Variants in REDIC1 observed in about 807,000 individuals in gnomAD.
REDIC1 encodes HEI10 Interacting Protein 1.
chr12:39,678,854 A>T, the REDIC1 span, among the ~76,000 whole-genome samples: 3 of 152,172 alleles, frequency 2.0e-5, no homozygotes, highest in Non-Finnish European at 2.9e-5. Flanking sequence ...GAATTATATG[A>T]TCATTTCAAT....
chr12:39,751,357 C>T, the REDIC1 span, among the ~76,000 whole-genome samples: 1 of 152,226 alleles, frequency 6.6e-6, no homozygotes, highest in African/African-American at 2.4e-5. Context: ...GAGATACCAT[C>T]TCACACACCA....
the REDIC1 span, among the ~76,000 whole-genome samples, chr12:39,705,453 C>G: frequency 1.3e-5 from 2 of 152,052 alleles, no homozygotes; most frequent in African/African-American, 4.8e-5. Flanking sequence ...TACTTCCAAA[C>G]CCATTCTACA....
At chr12:39,627,147 A>G in the REDIC1 span, among the ~76,000 whole-genome samples, 2 of 152,332 alleles carry the variant, frequency 1.3e-5, no homozygotes, top group South Asian at 4.1e-4. Context: ...ATGCGTTTGA[A>G]TTCTAAAGAA....
the REDIC1 span, among the ~76,000 whole-genome samples, chr12:39,839,241 G>A: frequency 2.0e-5 from 3 of 152,016 alleles, no homozygotes; most frequent in Admixed American, 2.0e-4. Flanking sequence ...CCTCGTGAAG[G>A]ACAGATTCCT....
chr12:39,811,554 C>CT, the REDIC1 span, among the ~76,000 whole-genome samples: 1 of 151,934 alleles, frequency 6.6e-6, no homozygotes, highest in Non-Finnish European at 1.5e-5. Flanking sequence ...TTGTGATGTC[C>CT]TTTTTTACAG....
the REDIC1 span, among the ~76,000 whole-genome samples, chr12:39,730,960 T>C: frequency 6.6e-6 from 1 of 152,118 alleles, no homozygotes; most frequent in African/African-American, 2.4e-5. Flanking sequence ...TTGATACTTG[T>C]GTATGCTTCA....
At chr12:39,844,026 A>T in the REDIC1 span, among the ~76,000 whole-genome samples, 9 of 152,062 alleles carry the variant, frequency 5.9e-5, no homozygotes, top group African/African-American at 2.2e-4. Flanking sequence ...AAATAAAAAT[A>T]AGGTAAGAAC....
the REDIC1 span, among the ~76,000 whole-genome samples, chr12:39,761,312 G>C: frequency 2.6e-5 from 4 of 151,960 alleles, no homozygotes; most frequent in Admixed American, 2.0e-4. Context: ...AAATCTTACA[G>C]CCAAAATCAG....
the REDIC1 span, among the ~76,000 whole-genome samples, chr12:39,742,917 GC>G: frequency 4.3e-4 from 66 of 152,262 alleles, no homozygotes; most frequent in African/African-American, 1.4e-3. Context: ...GGGAAACAGT[GC>G]CTGGATAGGA....
chr12:39,700,329 A>T, the REDIC1 span, among the ~76,000 whole-genome samples: 1 of 152,218 alleles, frequency 6.6e-6, no homozygotes, highest in Non-Finnish European at 1.5e-5. Context: ...CAACTGGAAG[A>T]AAGGGTATCA....
chr12:39,885,650 T>A, the REDIC1 span, among the ~76,000 whole-genome samples: 65 of 152,258 alleles, frequency 4.3e-4, no homozygotes, highest in African/African-American at 1.5e-3. Context: ...TACATAGGAA[T>A]TCTTGTCCTC....
At chr12:39,755,582 G>A in the REDIC1 span, 3 of 152,116 alleles carry the variant, frequency 2.0e-5, no homozygotes, top group African/African-American at 2.4e-5. Flanking sequence ...CTTTAAATGA[G>A]ATGGAATAAT....
the REDIC1 span, among the ~76,000 whole-genome samples, chr12:39,696,536 C>G: frequency 1.7e-5 from 1 of 59,290 alleles, no homozygotes; most frequent in Non-Finnish European, 2.9e-5. Context: ...GAGCGAGACT[C>G]TGTCTCAAAA....
At chr12:39,680,152 A>C in the REDIC1 span, among the ~76,000 whole-genome samples, 318 of 152,242 alleles carry the variant, frequency 2.1e-3, 5 homozygotes, top group Admixed American at 0.019. Flanking sequence ...TTAAAATAAA[A>C]ATCTGCACAG....
the REDIC1 span, among the ~76,000 whole-genome samples, chr12:39,725,516 C>G: frequency 6.6e-6 from 1 of 152,030 alleles, no homozygotes; most frequent in Non-Finnish European, 1.5e-5. Flanking sequence ...GCTTTAGCAA[C>G]AGGAATTTGT....
the REDIC1 span, among the ~76,000 whole-genome samples, chr12:39,870,173 T>C: frequency 6.6e-6 from 1 of 152,272 alleles, no homozygotes; most frequent in African/African-American, 2.4e-5. Flanking sequence ...AAATCCCAAA[T>C]TGAAGAAGCA....
the REDIC1 span, among the ~76,000 whole-genome samples, chr12:39,803,956 A>G: frequency 1.3e-5 from 2 of 152,176 alleles, no homozygotes; most frequent in African/African-American, 2.4e-5. Flanking sequence ...TACAGAATTA[A>G]AAAAACAACA....
chr12:39,654,367 C>T, the REDIC1 span, among the ~76,000 whole-genome samples: 5 of 151,982 alleles, frequency 3.3e-5, no homozygotes, highest in African/African-American at 1.2e-4. Flanking sequence ...GTGGGCGGAT[C>T]ACGAGGTCAG....
At chr12:39,760,397 G>C in the REDIC1 span, 1 of 642,662 alleles carries the variant, frequency 1.6e-6, no homozygotes, top group Non-Finnish European at 2.6e-6. Flanking sequence ...TATGAACCTG[G>C]TTTACTCCAA....
Sources: allele counts gnomAD v4.1 joint callset (sites outside exome capture counted in the v4.1 genomes callset), GRCh38; gene constraint gnomAD v4.1.1; transcripts MANE v1.5; gene names NCBI Gene and HGNC (gene_info 2026-07-23, HGNC 2026-07-21).